Variants in CALN1 observed in about 807,000 individuals in gnomAD.
The protein encoded by CALN1 is calneuron 1, also known as calcium-binding protein 8.
CALN1 carries 17 observed loss-of-function variants against 30.6 expected under a neutral mutation model. The observed-to-expected ratio is 0.56, with a 90% CI of 0.38 to 0.83. The LOEUF is 0.83. Among genes scored for constraint, CALN1 ranks in the 40% least tolerant of loss-of-function variants. The pLI, the probability that CALN1 is intolerant of heterozygous loss-of-function variation, is 0.00. For missense variants in CALN1, 291 were observed against 354.9 expected, an observed-to-expected ratio of 0.82 and a Z score of 1.45; for synonymous variants, 156 against 131.4, an observed-to-expected ratio of 1.19 and a Z score of -1.28.
rs563413762 is a variant in CALN1 at position 71,870,591 on chromosome 7, C to A, written c.502-60099G>T. 9.9e-5 allele frequency among the ~76,000 whole-genome samples: 15 copies of A among 152,126 alleles called. No homozygotes were observed. In the South Asian group the frequency reaches 3.1e-3, roughly 32 times the overall value. On this transcript the variant is annotated intron_variant, in intron 5 of 6. Coordinates refer to ENST00000395275, the MANE Select transcript of CALN1 (RefSeq NM_031468.4). ...GAATAGTAGAATTGTTTTTTTCCCT[C>A]CTTCCAAATTTTCAATATTTTCCAA...
chr7:72,178,593 G>A (rs1789538803), intron 3 of CALN1, among the ~76,000 whole-genome samples: 2 of 151,944 alleles, frequency 1.3e-5, no homozygotes, highest in Non-Finnish European at 2.9e-5. Flanking sequence ...GGAGACTGAG[G>A]CAGGAGAATC....
chr7:72,371,575 CAT>C (rs140604441), intron 2 of CALN1, among the ~76,000 whole-genome samples: 2,277 of 152,322 alleles, frequency 0.015, 23 homozygotes, highest in African/African-American at 0.027. Context: ...CCTCCCCAGA[CAT>C]GTGGAACTGT....
At chr7:71,947,002 T>TTTG (rs765718540) in intron 5 of CALN1, among the ~76,000 whole-genome samples, 212 of 152,038 alleles carry the variant, frequency 1.4e-3, no homozygotes, top group Non-Finnish European at 2.9e-3. Context: ...GAGTTGTGTT[T>TTTG]TTGTTGTTGT....
At position 71,857,351 on chromosome 7, in the gene CALN1, A is replaced by G. The variant is rs538597287; in HGVS notation, c.502-46859T>C. Among the ~76,000 whole-genome samples the G allele has an allele frequency of 5.9e-5, 9 of 152,258 alleles. No homozygotes were observed. The South Asian group carries it at 1.5e-3, about 25-fold the overall frequency. On this transcript the variant is annotated intron_variant, in intron 5 of 6. Coordinates refer to ENST00000395275, the MANE Select transcript of CALN1 (RefSeq NM_031468.4). The stretch of plus-strand genomic sequence containing the variant: ...TGGCACTGTCATATTGCTCAGAGTT[A>G]AGAATTCAATATAGGGAATGTGTCA...
chr7:72,374,552 A>T (rs1804432872), intron 2 of CALN1, among the ~76,000 whole-genome samples: 1 of 129,396 alleles, frequency 7.7e-6, no homozygotes, highest in South Asian at 2.6e-4. Context: ...AAAAAAGGAA[A>T]AAAAAGAAAA....
chr7:72,497,310 C>T, the CALN1 span, among the ~76,000 whole-genome samples: 77 of 152,198 alleles, frequency 5.1e-4, no homozygotes, highest in African/African-American at 1.8e-3. Flanking sequence ...CGTGGTGGCA[C>T]GCATCTGTAA....
upstream of CALN1, among the ~76,000 whole-genome samples, chr7:72,449,874 CAA>C (rs71069071): frequency 6.4e-3 from 337 of 52,304 alleles, no homozygotes; most frequent in Middle Eastern, 0.025. Flanking sequence ...GACTCCGTCT[CAA>C]AAAAAAAAAA....
At chr7:71,924,251 TTAGGATTTCAGATCTTTTTA>T (rs1795141092) in intron 5 of CALN1, among the ~76,000 whole-genome samples, 1 of 147,610 alleles carries the variant, frequency 6.8e-6, no homozygotes, top group Non-Finnish European at 1.5e-5. Context: ...TTAAAAAAGA[TTAGGATTTCAGATCTTTTTA>T]AAAAAGATTA....
intron 3 of CALN1, among the ~76,000 whole-genome samples, chr7:72,217,121 C>T (rs1040978248): frequency 2.0e-5 from 3 of 152,108 alleles, no homozygotes; most frequent in African/African-American, 7.2e-5. Flanking sequence ...AAGAAAAGTA[C>T]CTTTTTGGGG....
chr7:72,261,588 T>A (rs576939802), intron 3 of CALN1, among the ~76,000 whole-genome samples: 1 of 152,212 alleles, frequency 6.6e-6, no homozygotes, highest in South Asian at 2.1e-4. Context: ...CACGCTTGGA[T>A]AACTTTTTCA....
chr7:72,246,889 G>GAATT (rs901659865), intron 3 of CALN1, among the ~76,000 whole-genome samples: 1 of 151,740 alleles, frequency 6.6e-6, no homozygotes, highest in African/African-American at 2.4e-5. Flanking sequence ...CAAGTCGCTG[G>GAATT]AATTACAGGC....
At chr7:72,183,059 G>A (rs1789933069) in intron 3 of CALN1, among the ~76,000 whole-genome samples, 1 of 152,140 alleles carries the variant, frequency 6.6e-6, no homozygotes, top group South Asian at 2.1e-4. Flanking sequence ...TTTTTGGGGT[G>A]TTTGTTGTTT....
intron 4 of CALN1, among the ~76,000 whole-genome samples, chr7:72,051,970 T>C (rs774434907): frequency 2.0e-5 from 3 of 152,184 alleles, no homozygotes; most frequent in Non-Finnish European, 4.4e-5. Context: ...ACATAAGCAA[T>C]GCCCCAAGGA....
intron 2 of CALN1, among the ~76,000 whole-genome samples, chr7:72,311,068 C>T (rs1800011423): frequency 6.6e-6 from 1 of 152,046 alleles, no homozygotes; most frequent in Non-Finnish European, 1.5e-5. Flanking sequence ...TTCCCACCTC[C>T]TCCACCTCTT....
chr7:72,308,158 G>GT (rs1202206122), intron 2 of CALN1, among the ~76,000 whole-genome samples: 2 of 152,120 alleles, frequency 1.3e-5, no homozygotes, highest in Non-Finnish European at 2.9e-5. Context: ...GAGGTCAGGG[G>GT]TTTGAGGCCA....
chr7:71,885,727 A>G (rs1792862822), intron 5 of CALN1, among the ~76,000 whole-genome samples: 1 of 152,218 alleles, frequency 6.6e-6, no homozygotes, highest in African/African-American at 2.4e-5. Flanking sequence ...AAACCAAACA[A>G]ATAAACAAGA....
chr7:71,991,910 T>C (rs1330227467), intron 5 of CALN1, among the ~76,000 whole-genome samples: 1 of 152,240 alleles, frequency 6.6e-6, no homozygotes, highest in Non-Finnish European at 1.5e-5. Context: ...GTTGGAACTT[T>C]AAAATACTTT....
intron 2 of CALN1, chr7:72,337,306 T>C: frequency 2.0e-6 from 2 of 984,612 alleles, no homozygotes; most frequent in Non-Finnish European, 2.4e-6. Flanking sequence ...GCGCCCCAGC[T>C]CCTCCGAGGG....
At chr7:72,137,182 G>C (rs1054415206) in intron 3 of CALN1, among the ~76,000 whole-genome samples, 7 of 152,166 alleles carry the variant, frequency 4.6e-5, no homozygotes, top group African/African-American at 1.7e-4. Flanking sequence ...TCTCTGGTCG[G>C]AGGGGAGCCT....
Sources: allele counts gnomAD v4.1 joint callset (sites outside exome capture counted in the v4.1 genomes callset), GRCh38; gene constraint gnomAD v4.1.1; transcripts MANE v1.5; gene names NCBI Gene and HGNC (gene_info 2026-07-23, HGNC 2026-07-21).